NBPF15: variants seen among roughly 807,000 people sequenced by gnomAD.
NBPF15 encodes NBPF family member NBPF15.
Under a neutral mutation model 62.2 loss-of-function variants are expected in NBPF15, and 74 were observed. The observed-to-expected ratio is 1.19, with a 90% confidence interval of 0.99 to 1.44. The LOEUF (loss-of-function observed/expected upper bound fraction) is 1.44. Among genes scored for constraint, NBPF15 ranks in the 40% most tolerant of loss-of-function variants. The pLI is 0.00. For synonymous variants in NBPF15, 244 were observed against 209.7 expected (o/e 1.16, Z -1.41); for missense variants, 790 against 550.0 (o/e 1.44, Z -4.36).
At chr1:144,430,738 A>C in intron 13 of NBPF15, among the ~76,000 whole-genome samples, 1 of 151,480 alleles carries the variant, frequency 6.6e-6, no homozygotes, top group East Asian at 1.9e-4. Flanking sequence ...ATGAGCTGAC[A>C]GAAGTAGGCT....
At chr1:144,434,600 G>A (rs1251491986) in intron 12 of NBPF15, among the ~76,000 whole-genome samples, 12 of 148,936 alleles carry the variant, frequency 8.1e-5, no homozygotes, top group African/African-American at 3.1e-4. Flanking sequence ...TTGCTTTATG[G>A]AAATATATCA....
At chr1:144,441,457 AT>A (rs1291846545) in intron 6 of NBPF15, among the ~76,000 whole-genome samples, 1 of 150,284 alleles carries the variant, frequency 6.7e-6, no homozygotes, top group East Asian at 1.9e-4. Flanking sequence ...TTTTATATTC[AT>A]TGATATACTG....
rs1261499750 is a variant in NBPF15 at position 144,436,927 on chromosome 1, A to T, written c.461T>A (p.Leu154Gln). Residue 154 changes from leucine to glutamine, a missense_variant, in exon 10 of 22, where the codon CTG (leucine) becomes CAG (glutamine). Leu to Gln is a moderately radical substitution (Grantham distance 113, BLOSUM62 -2). Transcript: ENST00000581897. ...GAGCTTTTGGACAAGGTGCTGTGTC[A>T]GTCTACACCCCTCAGCCAGCTGTTC... is the stretch of plus-strand genomic sequence containing the variant. ...LQEQLAEGCRLTQHLVQKLSP... is the reference protein window; with the variant it reads ...LQEQLAEGCRQTQHLVQKLSP... The T allele has an allele frequency of 3.1e-6, 5 of 1,612,204 alleles. No individual in the cohort carries two copies. The highest frequency in any genetic ancestry group is 4.5e-5 in the East Asian group (2 of 44,858).
At chr1:144,444,982 A>G (rs1324143748) in intron 6 of NBPF15, among the ~76,000 whole-genome samples, 2 of 151,528 alleles carry the variant, frequency 1.3e-5, no homozygotes, top group Non-Finnish European at 3.0e-5. Context: ...TTTCATTCCT[A>G]CAAGTATAAG....
chr1:144,440,915 G>A (rs1445102747), intron 6 of NBPF15, among the ~76,000 whole-genome samples: 4 of 151,238 alleles, frequency 2.6e-5, no homozygotes, highest in Non-Finnish European at 5.9e-5. Context: ...GTGATCTGCC[G>A]CCTCGGCCTC....
Position 144,442,166 on chromosome 1 carries a change from A to ATATATATAATATATATACACGTG in NBPF15, c.-190-1872_-190-1871insCACGTGTATATATATTATATATA, listed in dbSNP as rs1683615776. On this transcript the variant is annotated intron_variant, in intron 6 of 21. Coordinates refer to ENST00000581897, the MANE Select transcript of NBPF15 (RefSeq NM_001385408.1). ...ATATATAATATATATACACGTGTAT[A>ATATATATAATATATATACACGTG]TATATATATATATAATATATATACA... Among the ~76,000 whole-genome samples, 4 of 80,504 alleles carry ATATATATAATATATATACACGTG rather than the reference A, an allele frequency of 5.0e-5. 1 individual carries two copies. Among genetic ancestry groups the ATATATATAATATATATACACGTG allele is most frequent in the African/African-American group, 2.8e-4 (4 of 14,488 alleles). 52.8% of individuals were successfully genotyped at this position (80,504 alleles called of 152,430 possible). A position where few individuals can be genotyped will look rare whatever the true frequency, so the allele number is the denominator to read the frequency against.
intron 19 of NBPF15, among the ~76,000 whole-genome samples, chr1:144,425,081 C>G (rs1445320251): frequency 1.4e-4 from 20 of 144,436 alleles, no homozygotes; most frequent in African/African-American, 4.9e-4. Context: ...CACACACACA[C>G]ACACACACAC....
intron 4 of NBPF15, among the ~76,000 whole-genome samples, chr1:144,453,638 C>CAAAAAAAAAAAAAA (rs200525708): frequency 8.2e-5 from 3 of 36,396 alleles, no homozygotes; most frequent in Non-Finnish European, 1.4e-4. Context: ...CAACACAAAG[C>CAAAAAAAAAAAAAA]AAAAAAAAAA....
chr1:144,447,457 C>A (rs1166349587), intron 6 of NBPF15, among the ~76,000 whole-genome samples: 1 of 151,822 alleles, frequency 6.6e-6, no homozygotes, highest in African/African-American at 2.4e-5. Context: ...CGGACCTCAC[C>A]TTCCTCTCAC....
chr1:144,426,906 C>T (rs1231325806), intron 17 of NBPF15, 141 bp downstream of exon 17: 254 of 571,380 alleles, frequency 4.4e-4, no homozygotes, highest in Middle Eastern at 9.7e-4. Context: ...ACATCTACTG[C>T]AATGAAAACC....
chr1:144,427,149 A>G, intron 16 of NBPF15, 51 bp from the exon 17 acceptor site: 1 of 561,334 alleles, frequency 1.8e-6, no homozygotes. Flanking sequence ...TCTCCTACAC[A>G]CATAACAATC....
intron 14 of NBPF15, 74 bp downstream of exon 14, chr1:144,429,626 A>T (rs1346890813): frequency 1.7e-6 from 1 of 593,926 alleles, no homozygotes; most frequent in Non-Finnish European, 3.0e-6. Flanking sequence ...AACAAGGGGC[A>T]CAAGGCCCAA....
intron 6 of NBPF15, among the ~76,000 whole-genome samples, chr1:144,447,858 A>T (rs1282251928): frequency 1.3e-5 from 2 of 152,032 alleles, no homozygotes; most frequent in Non-Finnish European, 2.9e-5. Flanking sequence ...GCCTCGCTCA[A>T]TTATGGGTTG....
intron 4 of NBPF15, among the ~76,000 whole-genome samples, chr1:144,455,646 G>A (rs1271018914): frequency 6.6e-6 from 1 of 152,002 alleles, no homozygotes; most frequent in Non-Finnish European, 1.5e-5. Context: ...CAGCCCCTGG[G>A]TCTGACATCG....
At chr1:144,445,875 G>A (rs1192331745) in intron 6 of NBPF15, among the ~76,000 whole-genome samples, 3 of 44,958 alleles carry the variant, frequency 6.7e-5, no homozygotes, top group African/African-American at 1.7e-4. Flanking sequence ...TTTTTTTTTT[G>A]AAACAGAGTC....
At chr1:144,428,787 A>G in intron 14 of NBPF15, 130 bp from the exon 15 acceptor site, 4 of 608,528 alleles carry the variant, frequency 6.6e-6, no homozygotes, top group Admixed American at 2.9e-5. Context: ...TTTGAGAGAA[A>G]TATTCCAGTA....
At chr1:144,454,479 TAGG>T (rs1693109083) in intron 4 of NBPF15, among the ~76,000 whole-genome samples, 1 of 110,954 alleles carries the variant, frequency 9.0e-6, no homozygotes, top group Non-Finnish European at 1.7e-5. Flanking sequence ...CAGGGGAGCC[TAGG>T]AGAACTCTCT....
In NBPF15 at chr1:144,440,221, G is replaced by C; in HGVS notation, c.-116C>G. 1 of 1,522,278 alleles carries C rather than the reference G, an allele frequency of 6.6e-7. No homozygotes were observed. The highest frequency in any genetic ancestry group is 8.8e-7 in the Non-Finnish European group (1 of 1,132,432). The allele number at this position is 1,522,278 out of a possible 1,614,324, so 94.3% of individuals were successfully genotyped here. ...ACAAGGTTCGAGGTGCCTCAACTCA[G>C]AGCTGAAAGCACTGTCAGTAGCGCA... is the stretch of plus-strand genomic sequence containing the variant. On this transcript the variant is annotated 5_prime_UTR_variant, in exon 7 of 22. Transcript: ENST00000581897.
intron 6 of NBPF15, among the ~76,000 whole-genome samples, chr1:144,445,802 A>G (rs1687079576): frequency 1.4e-5 from 2 of 144,880 alleles, no homozygotes; most frequent in South Asian, 4.3e-4. Context: ...TCTCAAAGCA[A>G]TTTTTTGTAG....
Sources: gnomAD v4.1 joint callset for allele counts (sites outside exome capture counted in the v4.1 genomes callset) on GRCh38, gnomAD v4.1.1 for gene constraint, MANE v1.5 for transcripts, NCBI Gene and HGNC (gene_info 2026-07-23, HGNC 2026-07-21) for gene names.